Variants in PRKD1 observed in about 807,000 individuals in gnomAD.
PRKD1 encodes protein kinase D1.
Under a neutral mutation model 95.9 loss-of-function variants are expected in PRKD1, and 63 were observed. That is an observed-to-expected ratio of 0.66 (90% CI 0.54 to 0.81). The LOEUF (loss-of-function observed/expected upper bound fraction) is 0.81, where lower values mean the gene tolerates loss of function less well. Ranked by LOEUF, PRKD1 falls within the 30% of genes least tolerant of loss-of-function variation. The pLI, the probability that PRKD1 is intolerant of heterozygous loss-of-function variation, is 0.00. For missense variants in PRKD1, 1,048 were observed against 1,165.3 expected (o/e 0.90, Z 1.47); for synonymous variants, 425 against 423.1 (o/e 1.00, Z -0.05).
At chr14:29,645,421 G>A (rs1881062781) in intron 4 of PRKD1, among the ~76,000 whole-genome samples, 2 of 152,154 alleles carry the variant, frequency 1.3e-5, no homozygotes, top group Admixed American at 6.5e-5. Context: ...CTATTCAGGT[G>A]TTATTATGCT....
intron 1 of PRKD1, among the ~76,000 whole-genome samples, chr14:29,903,167 T>C (rs190253956): frequency 6.6e-6 from 1 of 152,218 alleles, no homozygotes; most frequent in East Asian, 1.9e-4. Context: ...CAGAGAATTT[T>C]CCCCCAGGTT....
intron 1 of PRKD1, among the ~76,000 whole-genome samples, chr14:29,837,718 T>G (rs1029266378): frequency 2.6e-5 from 4 of 152,204 alleles, no homozygotes; most frequent in Non-Finnish European, 5.9e-5. Flanking sequence ...GCAATAGTAA[T>G]TCATGTGAGT....
chr14:29,793,404 ATTC>A (rs1889647998), intron 1 of PRKD1, among the ~76,000 whole-genome samples: 2 of 152,182 alleles, frequency 1.3e-5, no homozygotes, highest in Middle Eastern at 3.4e-3. Context: ...TTTGAGATAC[ATTC>A]TTCTTAAAGA....
At chr14:29,630,052 TCTTG>T (rs1566498123) in intron 10 of PRKD1, among the ~76,000 whole-genome samples, 1 of 150,000 alleles carries the variant, frequency 6.7e-6, no homozygotes, top group Non-Finnish European at 1.5e-5. Flanking sequence ...TTCTTTTTCT[TCTTG>T]CTCTTTCTCT....
chr14:29,612,795 T>C (rs763514558), intron 13 of PRKD1, among the ~76,000 whole-genome samples: 22 of 152,064 alleles, frequency 1.4e-4, no homozygotes, highest in Non-Finnish European at 3.1e-4. Flanking sequence ...CCTATAGAAA[T>C]AGTTTCATAA....
chr14:29,712,225 G>A (rs1256821352), intron 2 of PRKD1, among the ~76,000 whole-genome samples: 1 of 152,106 alleles, frequency 6.6e-6, no homozygotes, highest in Non-Finnish European at 1.5e-5. Context: ...AGATTAGTAT[G>A]TGGGAGAAAA....
chr14:29,719,781 T>A (rs1885795910), intron 2 of PRKD1, among the ~76,000 whole-genome samples: 1 of 152,190 alleles, frequency 6.6e-6, no homozygotes, highest in South Asian at 2.1e-4. Context: ...GGCTCAAATC[T>A]TCCCCCTCTG....
intron 16 of PRKD1, among the ~76,000 whole-genome samples, chr14:29,581,182 A>G (rs1892744058): frequency 6.6e-6 from 1 of 152,114 alleles, no homozygotes; most frequent in African/African-American, 2.4e-5. Flanking sequence ...TCTCACCTCT[A>G]TAGTTCCTTC....
intron 2 of PRKD1, among the ~76,000 whole-genome samples, chr14:29,684,816 T>C (rs1883760478): frequency 6.6e-6 from 1 of 152,344 alleles, no homozygotes; most frequent in South Asian, 2.1e-4. Context: ...CTCCTGCAGT[T>C]ATCACATCCC....
At chr14:29,738,529 T>A (rs1223454393) in intron 1 of PRKD1, among the ~76,000 whole-genome samples, 1 of 152,262 alleles carries the variant, frequency 6.6e-6, no homozygotes, top group African/African-American at 2.4e-5. Context: ...TTTGTGAAGA[T>A]AAATCTGTAA....
chr14:29,666,098 G>A lies in PRKD1; in HGVS notation c.514C>T (p.Arg172Cys), dbSNP rs1882485451. The A allele has an allele frequency of 7.5e-6, 12 of 1,592,544 alleles. No individual in the cohort carries two copies. Among genetic ancestry groups the A allele is most frequent in the Non-Finnish European group, 1.0e-5 (12 of 1,165,610 alleles). The change falls in exon 3 of 18, where the codon CGT (arginine) becomes TGT (cysteine). Residue 172 changes from arginine (R) to cysteine (C), a missense_variant. By Grantham distance (180) the Arg-to-Cys change is radical (BLOSUM62 -3). This residue lies in a region of PRKD1 where 275 missense variants were observed against 248.6 expected (regional missense o/e 1.11). Coordinates refer to ENST00000331968, the MANE Select transcript of PRKD1 (RefSeq NM_002742.3). Reference protein sequence around the residue: ...HCGEMLWGLVRQGLKCEGCGL... With the variant: ...HCGEMLWGLVCQGLKCEGCGL... ...TTACCTTCACATTTAAGACCTTGAC[G>A]TACCAGCCCCCACAGCATTTCTCCA...
rs567438049 is a variant in PRKD1 at position 29,812,346 on chromosome 14, C to T, written c.265-86672G>A. Among the ~76,000 whole-genome samples, 71 of 152,180 alleles carry T rather than the reference C, an allele frequency of 4.7e-4. 1 individual carries two copies. The highest frequency in any genetic ancestry group is 1.4e-3 in the Admixed American group (22 of 15,290). ...GAACACTAAATTGAATATAATTTGACGTTAATATGTAAAAGAGCAATCCTT... is the reference window on the plus strand; with the variant it reads ...GAACACTAAATTGAATATAATTTGATGTTAATATGTAAAAGAGCAATCCTT... On this transcript the variant is annotated intron_variant, in intron 1 of 17. Coordinates refer to ENST00000331968, the MANE Select transcript of PRKD1 (RefSeq NM_002742.3).
chr14:29,769,731 T>C (rs1888419323), intron 1 of PRKD1, among the ~76,000 whole-genome samples: 1 of 152,162 alleles, frequency 6.6e-6, no homozygotes, highest in South Asian at 2.1e-4. Context: ...TATACACAAA[T>C]ATATTGAGAA....
chr14:29,722,732 C>T (rs577182428), intron 2 of PRKD1, among the ~76,000 whole-genome samples: 5 of 152,118 alleles, frequency 3.3e-5, no homozygotes, highest in Non-Finnish European at 7.4e-5. Flanking sequence ...TCCTATGTGG[C>T]TCGGGAAAAG....
chr14:29,820,287 A>C (rs957849296), intron 1 of PRKD1, among the ~76,000 whole-genome samples: 4 of 152,228 alleles, frequency 2.6e-5, no homozygotes, highest in African/African-American at 9.6e-5. Context: ...GAAAAGATTA[A>C]TAAACTTTGG....
chr14:29,884,536 A>G (rs1172496634), intron 1 of PRKD1, among the ~76,000 whole-genome samples: 1 of 152,216 alleles, frequency 6.6e-6, no homozygotes, highest in Non-Finnish European at 1.5e-5. Flanking sequence ...TTCCATGTGT[A>G]AGAACTTTAC....
intron 1 of PRKD1, among the ~76,000 whole-genome samples, chr14:29,880,801 C>A (rs1344169605): frequency 6.6e-6 from 1 of 152,208 alleles, no homozygotes; most frequent in Non-Finnish European, 1.5e-5. Flanking sequence ...GACCTGGAGT[C>A]AAAGGAGATC....
intron 1 of PRKD1, among the ~76,000 whole-genome samples, chr14:29,772,513 G>A (rs1042255804): frequency 6.6e-6 from 1 of 152,086 alleles, no homozygotes; most frequent in African/African-American, 2.4e-5. Flanking sequence ...AATGGAATAA[G>A]GTAATATCGT....
chr14:29,754,544 A>C (rs941890471), intron 1 of PRKD1, among the ~76,000 whole-genome samples: 2 of 152,064 alleles, frequency 1.3e-5, no homozygotes, highest in Non-Finnish European at 2.9e-5. Flanking sequence ...TACTTTTTCC[A>C]TATAGTAAAA....
Sources: gnomAD v4.1 joint callset for allele counts (sites outside exome capture counted in the v4.1 genomes callset) on GRCh38, gnomAD v4.1.1 for gene constraint, gnomAD v4.1.1 regional missense constraint, MANE v1.5 for transcripts, NCBI Gene and HGNC (gene_info 2026-07-23, HGNC 2026-07-21) for gene names.